The following GAREM1 variants were observed in gnomAD, a reference collection of about 807,000 sequenced individuals.
GAREM1 encodes GRB2 associated regulator of MAPK1 subtype 1, also known as GRB2-associated and regulator of MAPK protein 1.
Under a neutral mutation model 71.3 loss-of-function variants are expected in GAREM1, and 26 were observed. That is an observed-to-expected ratio of 0.36 (90% CI 0.27 to 0.51). The LOEUF is 0.51. Ranked by LOEUF, GAREM1 falls within the 20% of genes least tolerant of loss-of-function variation. The probability of loss-of-function intolerance (pLI) is 0.95; values close to 1 mark genes in which losing one functional copy is unlikely to be tolerated. For missense variants in GAREM1, 1,026 were observed against 1,103.1 expected (o/e 0.93, Z 0.99); for synonymous variants, 440 against 433.2 (o/e 1.02, Z -0.20).
At chr18:32,300,951 G>A (rs1202984366) in intron 3 of GAREM1, among the ~76,000 whole-genome samples, 7 of 149,910 alleles carry the variant, frequency 4.7e-5, no homozygotes, top group African/African-American at 9.8e-5. Context: ...CTAACTGGTC[G>A]GCAGAAGTAA....
At chr18:32,318,870 G>A (rs898979144) in intron 2 of GAREM1, among the ~76,000 whole-genome samples, 8 of 152,092 alleles carry the variant, frequency 5.3e-5, no homozygotes, top group African/African-American at 1.7e-4. Flanking sequence ...GCTGAAACCA[G>A]CCCAAAATGT....
chr18:32,412,460 G>C, intron 1 of GAREM1: 1 of 1,590,214 alleles, frequency 6.3e-7, no homozygotes. Context: ...CATCCCCACT[G>C]CCACCATATC....
At chr18:32,342,587 A>C (rs1281427928) in intron 2 of GAREM1, among the ~76,000 whole-genome samples, 2 of 152,158 alleles carry the variant, frequency 1.3e-5, no homozygotes, top group East Asian at 3.8e-4. Flanking sequence ...ACCTCAGCTC[A>C]CAGTGGACTC....
intron 4 of GAREM1, among the ~76,000 whole-genome samples, chr18:32,286,296 G>C (rs1436728640): frequency 6.6e-6 from 1 of 151,384 alleles, no homozygotes; most frequent in Non-Finnish European, 1.5e-5. Context: ...GTGTTAAATA[G>C]AACTACCCTG....
intron 2 of GAREM1, among the ~76,000 whole-genome samples, chr18:32,323,687 C>T (rs546116770): frequency 1.1e-4 from 16 of 152,146 alleles, no homozygotes; most frequent in South Asian, 4.2e-4. Flanking sequence ...CCAGCCTGGG[C>T]GACAGAGTAA....
intron 4 of GAREM1, among the ~76,000 whole-genome samples, chr18:32,272,935 C>T (rs565363087): frequency 1.3e-5 from 2 of 152,330 alleles, no homozygotes; most frequent in African/African-American, 4.8e-5. Flanking sequence ...TCAGGCTGGG[C>T]CACCCCGCTT....
chr18:32,335,141 G>A (rs572149347), intron 2 of GAREM1, among the ~76,000 whole-genome samples: 6 of 152,296 alleles, frequency 3.9e-5, no homozygotes, highest in South Asian at 4.1e-4. Flanking sequence ...TCAAGGCAAC[G>A]ATTTCCTCTC....
intron 2 of GAREM1, among the ~76,000 whole-genome samples, chr18:32,385,731 G>A (rs1027795351): frequency 2.0e-5 from 3 of 152,070 alleles, no homozygotes; most frequent in African/African-American, 7.2e-5. Context: ...CACTTTCCAG[G>A]GAATAGTGGA....
intron 3 of GAREM1, among the ~76,000 whole-genome samples, chr18:32,302,228 C>G (rs1056106460): frequency 6.6e-6 from 1 of 152,082 alleles, no homozygotes; most frequent in Non-Finnish European, 1.5e-5. Context: ...TCATATGAAC[C>G]AATGAAGTCA....
intron 3 of GAREM1, among the ~76,000 whole-genome samples, chr18:32,298,993 G>A (rs756416896): frequency 1.3e-5 from 2 of 152,000 alleles, no homozygotes; most frequent in Admixed American, 1.3e-4. Flanking sequence ...CAAGTACAAT[G>A]GCAATGGTTG....
At chr18:32,315,203 C>T (rs2047363931) in intron 2 of GAREM1, among the ~76,000 whole-genome samples, 1 of 151,916 alleles carries the variant, frequency 6.6e-6, no homozygotes, top group African/African-American at 2.4e-5. Flanking sequence ...GGATGCATCA[C>T]TGCACCCTAA....
intron 2 of GAREM1, among the ~76,000 whole-genome samples, chr18:32,328,959 C>T (rs897455703): frequency 2.0e-5 from 3 of 152,152 alleles, no homozygotes; most frequent in Non-Finnish European, 4.4e-5. Flanking sequence ...AAAGACACCA[C>T]CACCAATACA....
At chr18:32,353,350 C>T (rs1001686311) in intron 2 of GAREM1, among the ~76,000 whole-genome samples, 1 of 152,178 alleles carries the variant, frequency 6.6e-6, no homozygotes, top group Non-Finnish European at 1.5e-5. Flanking sequence ...AGCAACAATA[C>T]TTCCATCTGA....
intron 2 of GAREM1, among the ~76,000 whole-genome samples, chr18:32,340,046 T>C (rs1467289105): frequency 1.3e-5 from 2 of 152,218 alleles, no homozygotes; most frequent in African/African-American, 4.8e-5. Context: ...TTCAAAATCC[T>C]TCCTTCAGAA....
chr18:32,343,309 C>CTTTTTTTTTT, intron 2 of GAREM1, among the ~76,000 whole-genome samples: 1 of 141,272 alleles, frequency 7.1e-6, no homozygotes, highest in African/African-American at 2.8e-5. Flanking sequence ...CTCTCCCCCA[C>CTTTTTTTTTT]TGTTTTTTTT....
At chr18:32,427,355 GA>G (rs2048585420) in intron 1 of GAREM1, among the ~76,000 whole-genome samples, 2 of 152,126 alleles carry the variant, frequency 1.3e-5, no homozygotes, top group South Asian at 4.1e-4. Flanking sequence ...TTATAGATAA[GA>G]AAAACTTAAG....
chr18:32,354,816 A>C (rs1041581227), intron 2 of GAREM1, among the ~76,000 whole-genome samples: 2 of 152,202 alleles, frequency 1.3e-5, no homozygotes, highest in Non-Finnish European at 2.9e-5. Flanking sequence ...ACCAGAAGAC[A>C]CAGGCAAATA....
At chr18:32,293,218 C>T (rs905398610) in intron 3 of GAREM1, among the ~76,000 whole-genome samples, 7 of 152,036 alleles carry the variant, frequency 4.6e-5, no homozygotes, top group Admixed American at 1.3e-4. Context: ...CCAGACACTG[C>T]CCAAATCATT....
chr18:32,460,042 T>C (rs2048938807), intron 1 of GAREM1, among the ~76,000 whole-genome samples: 2 of 151,664 alleles, frequency 1.3e-5, no homozygotes. Flanking sequence ...TAAACTCTAG[T>C]TCCCTGCTAG....
Sources: allele counts gnomAD v4.1 joint callset (sites outside exome capture counted in the v4.1 genomes callset), GRCh38; gene constraint gnomAD v4.1.1; transcripts MANE v1.5; gene names NCBI Gene and HGNC (gene_info 2026-07-23, HGNC 2026-07-21).